KCNIP4: variants seen among roughly 807,000 people sequenced by gnomAD.
The protein encoded by KCNIP4 is Kv channel-interacting protein 4.
KCNIP4 carries 12 observed loss-of-function variants against 34.0 expected under a neutral mutation model. The ratio of observed to expected loss-of-function variants is 0.35; its 90% confidence interval spans 0.23 to 0.57. The LOEUF (loss-of-function observed/expected upper bound fraction) is 0.57. Among genes scored for constraint, KCNIP4 ranks in the 20% least tolerant of loss-of-function variants. The pLI, the probability that KCNIP4 is intolerant of heterozygous loss-of-function variation, is 0.83. For missense variants in KCNIP4, 238 were observed against 311.7 expected, an observed-to-expected ratio of 0.76 and a Z score of 1.78; for synonymous variants, 124 against 102.2, an observed-to-expected ratio of 1.21 and a Z score of -1.29.
chr4:21,646,265 T>C (rs1424756005), intron 1 of KCNIP4, among the ~76,000 whole-genome samples: 1 of 152,184 alleles, frequency 6.6e-6, no homozygotes, highest in Non-Finnish European at 1.5e-5. Flanking sequence ...ATTGGTTGAG[T>C]TGCCAATGTA....
At chr4:21,711,060 T>G (rs191409596) in intron 1 of KCNIP4, among the ~76,000 whole-genome samples, 1 of 152,218 alleles carries the variant, frequency 6.6e-6, no homozygotes, top group South Asian at 2.1e-4. Flanking sequence ...TAAGAAGATA[T>G]GTACATGTGA....
intron 1 of KCNIP4, among the ~76,000 whole-genome samples, chr4:20,969,335 G>A (rs923565360): frequency 1.3e-5 from 2 of 152,094 alleles, no homozygotes; most frequent in Non-Finnish European, 2.9e-5. Context: ...TGGTTTAAAA[G>A]CCATTAGCAT....
At chr4:21,662,670 T>C (rs1402185991) in intron 1 of KCNIP4, among the ~76,000 whole-genome samples, 1 of 152,230 alleles carries the variant, frequency 6.6e-6, no homozygotes, top group East Asian at 1.9e-4. Flanking sequence ...GCTTTGCAGT[T>C]GTATGTGTTC....
chr4:21,592,312 T>C (rs889828167), intron 1 of KCNIP4, among the ~76,000 whole-genome samples: 1 of 152,094 alleles, frequency 6.6e-6, no homozygotes, highest in Non-Finnish European at 1.5e-5. Flanking sequence ...GGATGTCTCA[T>C]TTTTTTCTCT....
rs573789152 is a variant in KCNIP4, at chr4:21,269,938, C to T, written c.62-387229G>A. ...TGAGCTAAAAAGAAAGACAGTTTGG[C>T]GAAAGATCCTAAACTATATCTACAT... On this transcript the variant is annotated intron_variant, in intron 1 of 8. Coordinates refer to ENST00000382152, the MANE Select transcript of KCNIP4 (RefSeq NM_025221.6). Among the ~76,000 whole-genome samples the T allele has an allele frequency of 1.6e-3, 241 of 152,176 alleles. 2 individuals carry two copies. The highest frequency in any genetic ancestry group is 5.4e-3 in the African/African-American group (223 of 41,512).
intron 1 of KCNIP4, among the ~76,000 whole-genome samples, chr4:21,443,536 T>C (rs540556511): frequency 2.8e-4 from 43 of 152,322 alleles, no homozygotes; most frequent in Non-Finnish European, 5.7e-4. Context: ...ACCCAATCAA[T>C]TGAATGCCTT....
intron 1 of KCNIP4, among the ~76,000 whole-genome samples, chr4:20,885,738 T>C (rs1338359224): frequency 6.6e-6 from 1 of 152,160 alleles, no homozygotes; most frequent in African/African-American, 2.4e-5. Flanking sequence ...GGAAATAATA[T>C]ATAAAGCACT....
intron 1 of KCNIP4, among the ~76,000 whole-genome samples, chr4:21,242,557 C>T (rs1481684497): frequency 1.3e-5 from 2 of 152,102 alleles, no homozygotes; most frequent in African/African-American, 2.4e-5. Flanking sequence ...AAGTAGATTG[C>T]CACCTCCAAT....
intron 1 of KCNIP4, among the ~76,000 whole-genome samples, chr4:21,938,899 C>A (rs1487611455): frequency 6.6e-6 from 1 of 152,122 alleles, no homozygotes; most frequent in Non-Finnish European, 1.5e-5. Context: ...CTTTTACTAG[C>A]ACTGTGTCTC....
intron 1 of KCNIP4, among the ~76,000 whole-genome samples, chr4:21,509,439 C>A (rs1336599815): frequency 5.3e-5 from 8 of 152,102 alleles, no homozygotes. Context: ...CTACTTAATT[C>A]CTTTGCTTGT....
intron 1 of KCNIP4, among the ~76,000 whole-genome samples, chr4:21,327,537 T>TCTTC (rs1715208429): frequency 6.6e-6 from 1 of 152,174 alleles, no homozygotes; most frequent in South Asian, 2.1e-4. Flanking sequence ...TTATTTGAGG[T>TCTTC]AATTCTGCTT....
intron 1 of KCNIP4, among the ~76,000 whole-genome samples, chr4:21,149,956 A>C (rs115098705): frequency 0.011 from 1,669 of 152,350 alleles, 19 homozygotes; most frequent in Non-Finnish European, 0.014. Flanking sequence ...ATTCAGTACT[A>C]GCTACCACAA....
At chr4:21,765,018 G>C (rs947304378) in intron 1 of KCNIP4, among the ~76,000 whole-genome samples, 2 of 152,058 alleles carry the variant, frequency 1.3e-5, no homozygotes, top group African/African-American at 4.8e-5. Context: ...ATGGAGCCTA[G>C]TGTTTCCTCC....
intron 1 of KCNIP4, among the ~76,000 whole-genome samples, chr4:21,795,722 T>C (rs1421617878): frequency 6.6e-6 from 1 of 152,168 alleles, no homozygotes; most frequent in Non-Finnish European, 1.5e-5. Flanking sequence ...GTATATTGCA[T>C]AATCTCTGGT....
intron 1 of KCNIP4, among the ~76,000 whole-genome samples, chr4:21,523,100 G>A (rs1460475237): frequency 6.6e-6 from 1 of 152,020 alleles, no homozygotes; most frequent in Non-Finnish European, 1.5e-5. Context: ...CACCATGTTA[G>A]GTTACAGCAA....
chr4:21,518,296 G>T (rs1351667722), intron 1 of KCNIP4, among the ~76,000 whole-genome samples: 1 of 152,190 alleles, frequency 6.6e-6, no homozygotes, highest in African/African-American at 2.4e-5. Context: ...TGGGGAGTTA[G>T]TTGCAGGAAA....
chr4:20,917,638 T>C (rs1187149654), intron 1 of KCNIP4, among the ~76,000 whole-genome samples: 1 of 152,050 alleles, frequency 6.6e-6, no homozygotes, highest in Non-Finnish European at 1.5e-5. Flanking sequence ...ACTGAGACAC[T>C]GAAAAAAAGA....
intron 3 of KCNIP4, among the ~76,000 whole-genome samples, chr4:20,821,846 G>A (rs1052021142): frequency 1.3e-5 from 2 of 150,716 alleles, no homozygotes; most frequent in Non-Finnish European, 2.9e-5. Flanking sequence ...ATTTCATGGT[G>A]TGTGTGTATG....
At chr4:21,897,237 T>G (rs1459944903) in intron 1 of KCNIP4, among the ~76,000 whole-genome samples, 1 of 146,498 alleles carries the variant, frequency 6.8e-6, no homozygotes, top group Non-Finnish European at 1.5e-5. Flanking sequence ...GAAATAGAGA[T>G]TTGAGAATAA....
Sources: gnomAD v4.1 joint callset for allele counts (sites outside exome capture counted in the v4.1 genomes callset) on GRCh38, gnomAD v4.1.1 for gene constraint, MANE v1.5 for transcripts, NCBI Gene and HGNC (gene_info 2026-07-23, HGNC 2026-07-21) for gene names.